MBOAT7: variants seen among roughly 807,000 people sequenced by gnomAD.
MBOAT7 encodes the protein membrane-bound acylglycerophosphatidylinositol O-acyltransferase MBOAT7.
A neutral mutation model predicts 47.4 loss-of-function variants in MBOAT7; 40 were observed. The ratio of observed to expected loss-of-function variants is 0.84; its 90% CI spans 0.66 to 1.10. The LOEUF is 1.10. Among genes scored for constraint, MBOAT7 ranks in the 50% least tolerant of loss-of-function variants. The probability of loss-of-function intolerance (pLI) is 0.00; values close to 1 mark genes in which losing one functional copy is unlikely to be tolerated. For missense variants in MBOAT7, 680 were observed against 655.6 expected (o/e 1.04, Z -0.41); for synonymous variants, 361 against 292.0 (o/e 1.24, Z -2.41).
chr19:54,179,858 C>T (rs901036810), intron 6 of MBOAT7: 1 of 152,164 alleles, frequency 6.6e-6, no homozygotes, highest in African/African-American at 2.4e-5. Flanking sequence ...CAGGCTGTTC[C>T]CCCAGCCGCA....
chr19:54,182,671 C>T (rs2076321574), intron 5 of MBOAT7, among the ~76,000 whole-genome samples: 1 of 151,890 alleles, frequency 6.6e-6, no homozygotes, highest in African/African-American at 2.4e-5. Flanking sequence ...CACATACACA[C>T]ATACATATAT....
intron 7 of MBOAT7, among the ~76,000 whole-genome samples, chr19:54,175,671 T>TC (rs1369206140): frequency 6.6e-6 from 1 of 152,200 alleles, no homozygotes; most frequent in African/African-American, 2.4e-5. Flanking sequence ...TGCCTCAGCC[T>TC]CCCAAGTAGC....
At chr19:54,178,687 G>C in intron 7 of MBOAT7, 78 bp downstream of exon 7, 1 of 1,552,654 alleles carries the variant, frequency 6.4e-7, no homozygotes, top group Non-Finnish European at 8.7e-7. Flanking sequence ...GCCCAGCCAG[G>C]GACGCTGCAG....
chr19:54,179,060 C>G, intron 6 of MBOAT7, 119 bp from the exon 7 acceptor site: 1 of 1,376,478 alleles, frequency 7.3e-7, no homozygotes, highest in Non-Finnish European at 9.8e-7. Flanking sequence ...GGCAATGGCC[C>G]TCTGGCTGTC....
chr19:54,183,868 T>C (rs79572012), intron 4 of MBOAT7, among the ~76,000 whole-genome samples, 188 bp from the exon 5 acceptor site: 4,439 of 152,252 alleles, frequency 0.029, 148 homozygotes, highest in East Asian at 0.12. Flanking sequence ...CCTCCTCCCC[T>C]TTCCCTGTTC....
At position 54,183,553 on chromosome 19, in the gene MBOAT7, C is replaced by T. The variant is rs749528677; in HGVS notation, c.461G>A (p.Ser154Asn). 4.9e-5 allele frequency: 79 copies of T among 1,608,220 alleles called. No homozygotes were observed. The highest frequency in any genetic ancestry group is 4.3e-5 in the Non-Finnish European group (51 of 1,177,646). Reference protein sequence around the residue: ...PDVPSLMETLSYSYCYVGIMT... With the variant: ...PDVPSLMETLNYSYCYVGIMT... ...GATTCCCACGTAGCAGTAGCTGTAG[C>T]TGAGTGTCTCCATCAGGGAGGGCAC... is the stretch of plus-strand genomic sequence containing the variant. The change falls in exon 5 of 8, where the codon AGC becomes AAC. Residue 154 changes from serine (S) to asparagine (N), a missense_variant. Coordinates refer to ENST00000245615, the MANE Select transcript of MBOAT7 (RefSeq NM_024298.5).
At chr19:54,176,995 G>A (rs925522396) in intron 7 of MBOAT7, among the ~76,000 whole-genome samples, 14 of 152,126 alleles carry the variant, frequency 9.2e-5, no homozygotes, top group African/African-American at 2.4e-4. Flanking sequence ...GCCGAGGCAC[G>A]CGGATCACTT....
chr19:54,184,904 CAAAA>C (rs71195748), intron 4 of MBOAT7, among the ~76,000 whole-genome samples: 3 of 88,408 alleles, frequency 3.4e-5, no homozygotes, highest in African/African-American at 1.2e-4. Context: ...AACTCCGTCT[CAAAA>C]AAAAAAAAAA....
At chr19:54,181,159 G>C in intron 5 of MBOAT7, 26 bp from the exon 6 acceptor site, 2 of 1,452,240 alleles carry the variant, frequency 1.4e-6, no homozygotes, top group South Asian at 2.9e-5. Flanking sequence ...GGAGGGCCGC[G>C]GTCAGACAGG....
At position 54,175,194 on chromosome 19, in the gene MBOAT7, G is replaced by A. The variant is rs960610769; in HGVS notation, c.1032-763C>T. Among the ~76,000 whole-genome samples the A allele has an allele frequency of 4.7e-4, 71 of 152,228 alleles. 2 individuals carry two copies. The highest frequency in any genetic ancestry group is 2.4e-3 in the Admixed American group (36 of 15,282). On this transcript the variant is annotated intron_variant, in intron 7 of 7. Transcript: ENST00000245615. ...GGGGTTTCACCGTGTTAGCCAGGAT[G>A]GTCTCGATCTCCTGACCTCGTGATC...
At chr19:54,177,535 C>T (rs867448099) in intron 7 of MBOAT7, among the ~76,000 whole-genome samples, 1 of 152,016 alleles carries the variant, frequency 6.6e-6, no homozygotes, top group Non-Finnish European at 1.5e-5. Context: ...GACCTTGTGA[C>T]CCACCCACCT....
intron 5 of MBOAT7, among the ~76,000 whole-genome samples, chr19:54,181,757 A>G (rs12974266): frequency 2.8e-4 from 4 of 14,190 alleles, no homozygotes; most frequent in Admixed American, 5.1e-4. Context: ...GAAGGAGGGA[A>G]GGAAGGAGGG....
intron 7 of MBOAT7, 167 bp downstream of exon 7, chr19:54,178,598 G>T: frequency 7.0e-7 from 1 of 1,430,088 alleles, no homozygotes. Flanking sequence ...TTTTACACCG[G>T]CATGCTGCCA....
chr19:54,174,705 C>T (rs1361293638), intron 7 of MBOAT7, among the ~76,000 whole-genome samples: 1 of 149,352 alleles, frequency 6.7e-6, no homozygotes, highest in African/African-American at 2.4e-5. Context: ...CTTCCCTCCT[C>T]CCTCAGATCC....
rs911075960 is a variant in MBOAT7, at chr19:54,180,293, C to T, written c.854+480G>A. 4 of 155,932 alleles carry T rather than the reference C, an allele frequency of 2.6e-5. No homozygotes were observed. The South Asian group carries it at 7.8e-4, about 30-fold the overall frequency. The allele number at this position is 155,932 out of a possible 1,614,324, so 9.7% of individuals were successfully genotyped here. On this transcript the variant is annotated intron_variant, in intron 6 of 7. Transcript: ENST00000245615. The surrounding 1 kb of genome is among the most constrained non-coding windows in gnomAD (Gnocchi z 5.2). ...GCAGGGAGTGCCGTATCTGCAGCAA[C>T]AGAGCAAAACTTCTGGTAAAAAGGA...
At chr19:54,187,096 G>C in intron 4 of MBOAT7, 65 bp downstream of exon 4, 1 of 1,502,894 alleles carries the variant, frequency 6.7e-7, no homozygotes, top group Non-Finnish European at 8.9e-7. Context: ...TGAAGGGGGA[G>C]GTAAAGTGGG....
At chr19:54,178,994 C>A (rs1224454003) in intron 6 of MBOAT7, 53 bp from the exon 7 acceptor site, 13 of 1,586,226 alleles carry the variant, frequency 8.2e-6, no homozygotes, top group Non-Finnish European at 9.4e-6. Flanking sequence ...AGCCAGGCCC[C>A]CTCCCGACGC....
In MBOAT7 at chr19:54,183,621, G is replaced by C; in HGVS notation, c.393C>G (p.Ala131=). 1 of 1,605,782 alleles carries C rather than the reference G, an allele frequency of 6.2e-7. No homozygotes were observed. The highest frequency in any genetic ancestry group is 8.5e-7 in the Non-Finnish European group (1 of 1,176,412). The change falls in exon 5 of 8, where the codon GCC becomes GCG. Residue 131 remains alanine, a synonymous_variant. Coordinates refer to ENST00000245615, the MANE Select transcript of MBOAT7 (RefSeq NM_024298.5). ...DLHLAQRKEM[A]SGFSKGPTLG... is the part of the protein sequence containing the mutation. ...GGGTGGGCCCCTTGCTGAAGCCTGA[G>C]GCCATTTCCTTCCTCTGGGCCAGAT...
intron 5 of MBOAT7, among the ~76,000 whole-genome samples, chr19:54,181,997 GGGAGGGAAGGAGGGAA>G (rs2076299250): frequency 9.2e-6 from 1 of 108,878 alleles, no homozygotes; most frequent in East Asian, 2.6e-4. Flanking sequence ...GAAGGAGGGA[GGGAGGGAAGGAGGGAA>G]GGAAGGAGGG....
Sources: allele counts gnomAD v4.1 joint callset (sites outside exome capture counted in the v4.1 genomes callset), GRCh38; gene constraint gnomAD v4.1.1; non-coding constraint Gnocchi (gnomAD v3.1); transcripts MANE v1.5; gene names NCBI Gene and HGNC (gene_info 2026-07-23, HGNC 2026-07-21).